MEF2C: variants seen among roughly 807,000 people sequenced by gnomAD.
MEF2C encodes myocyte-specific enhancer factor 2C.
A neutral mutation model predicts 50.5 loss-of-function variants in MEF2C; 6 were observed. The ratio of observed to expected loss-of-function variants is 0.12; its 90% confidence interval spans 0.07 to 0.23. MEF2C has a LOEUF of 0.23. MEF2C is among the 10% of genes least tolerant of loss of function. The probability of loss-of-function intolerance (pLI) is 1.00; values close to 1 mark genes in which losing one functional copy is unlikely to be tolerated. For synonymous variants in MEF2C, 183 were observed against 228.0 expected, an observed-to-expected ratio of 0.80 and a Z score of 1.78; for missense variants, 276 against 605.0, an observed-to-expected ratio of 0.46 and a Z score of 5.70.
chr5:88,771,788 TAAGGAGTAC>T (rs1318658058), intron 3 of MEF2C: 1 of 188,716 alleles, frequency 5.3e-6, no homozygotes. Flanking sequence ...CCTCAAAATG[TAAGGAGTAC>T]AAGTTCTGGT....
intron 1 of MEF2C, among the ~76,000 whole-genome samples, chr5:88,851,158 G>A (rs1038022179): frequency 3.3e-5 from 5 of 150,478 alleles, no homozygotes; most frequent in Non-Finnish European, 7.4e-5. Context: ...ACTTGAACCC[G>A]GGAGGTGGAG....
At chr5:88,849,151 A>AG (rs1491394340) in intron 1 of MEF2C, among the ~76,000 whole-genome samples, 1 of 57,686 alleles carries the variant, frequency 1.7e-5, no homozygotes, top group East Asian at 3.1e-4. Context: ...ACTTTGTCTC[A>AG]AAAAAAAAAA....
rs115571382 is a variant in MEF2C at position 88,757,254 on chromosome 5, A to G, written c.402+3931T>C. On this transcript the variant is annotated intron_variant, in intron 4 of 10. Coordinates refer to ENST00000504921, the MANE Select transcript of MEF2C (RefSeq NM_002397.5). ...AACTTACCACAAGGAAAAGTCCAATAAAAAAATCAAATAAAATAGTTAAAG... is the reference window on the plus strand; with the variant it reads ...AACTTACCACAAGGAAAAGTCCAATGAAAAAATCAAATAAAATAGTTAAAG... Among the ~76,000 whole-genome samples the G allele has an allele frequency of 3.5e-3, 527 of 152,320 alleles. 3 individuals are homozygous for G. Among genetic ancestry groups the G allele is most frequent in the African/African-American group, 0.012 (503 of 41,566 alleles).
At chr5:88,760,899 A>C in intron 4 of MEF2C, 10 of 1,407,386 alleles carry the variant, frequency 7.1e-6, no homozygotes, top group Non-Finnish European at 9.6e-6. Context: ...GACTTTCCGA[A>C]GAGTCTTAGA....
chr5:88,894,238 A>C (rs1467203518), intron 1 of MEF2C, among the ~76,000 whole-genome samples: 2 of 152,228 alleles, frequency 1.3e-5, no homozygotes, highest in African/African-American at 4.8e-5. Context: ...TGACCTGCCC[A>C]GGGCCACATA....
chr5:88,723,743 C>A (rs549063809), intron 10 of MEF2C, among the ~76,000 whole-genome samples: 1 of 152,322 alleles, frequency 6.6e-6, no homozygotes, highest in South Asian at 2.1e-4. Context: ...GCTACCACTC[C>A]TCTTATTTAT....
chr5:88,729,500 C>T, intron 8 of MEF2C, 153 bp from the exon 9 acceptor site: 1 of 702,082 alleles, frequency 1.4e-6, no homozygotes, highest in Non-Finnish European at 2.3e-6. Flanking sequence ...TCTGCCAACC[C>T]TATCATTTAC....
At chr5:88,744,506 T>A (rs959989560) in intron 6 of MEF2C, among the ~76,000 whole-genome samples, 3 of 152,042 alleles carry the variant, frequency 2.0e-5, no homozygotes, top group African/African-American at 7.2e-5. Flanking sequence ...TGACCTGAGA[T>A]CACACCACTG....
At chr5:88,795,230 TG>T (rs970005714) in intron 3 of MEF2C, among the ~76,000 whole-genome samples, 27 of 152,310 alleles carry the variant, frequency 1.8e-4, no homozygotes, top group Middle Eastern at 6.8e-3. Context: ...TAAATTACTT[TG>T]GGCAGTATGG....
At chr5:88,749,199 T>C (rs1376847296) in intron 5 of MEF2C, 82 bp from the exon 6 acceptor site, 1 of 1,393,264 alleles carries the variant, frequency 7.2e-7, no homozygotes, top group Admixed American at 2.6e-5. Flanking sequence ...AACCTCAGTA[T>C]TTTGTCCTCT....
intron 1 of MEF2C, among the ~76,000 whole-genome samples, chr5:88,861,284 G>C (rs1825412244): frequency 6.6e-6 from 1 of 152,140 alleles, no homozygotes; most frequent in African/African-American, 2.4e-5. Context: ...CTGATACCCA[G>C]ACCCATCCCA....
intron 1 of MEF2C, among the ~76,000 whole-genome samples, chr5:88,841,981 C>G (rs78658099): frequency 9.3e-4 from 142 of 152,174 alleles, no homozygotes; most frequent in African/African-American, 3.3e-3. Flanking sequence ...TTTCTTAGAA[C>G]TTTTATTTTT....
At chr5:88,790,109 T>G (rs1793010455) in intron 3 of MEF2C, among the ~76,000 whole-genome samples, 2 of 152,132 alleles carry the variant, frequency 1.3e-5, no homozygotes, top group South Asian at 2.1e-4. Flanking sequence ...AGGAGTGAAA[T>G]GTGCCAGAGT....
At chr5:88,850,678 A>T (rs1288549320) in intron 1 of MEF2C, among the ~76,000 whole-genome samples, 4 of 151,610 alleles carry the variant, frequency 2.6e-5, no homozygotes, top group Non-Finnish European at 5.9e-5. Flanking sequence ...GATCTCTATG[A>T]CACACACACA....
intron 6 of MEF2C, chr5:88,737,905 T>C (rs1764780963): frequency 1.0e-6 from 1 of 985,252 alleles, no homozygotes; most frequent in African/African-American, 1.7e-5. Context: ...TCTTAGTTGT[T>C]AGCTTTATTA....
intron 10 of MEF2C, among the ~76,000 whole-genome samples, chr5:88,727,440 T>A (rs1374205461): frequency 6.6e-6 from 1 of 152,042 alleles, no homozygotes; most frequent in Non-Finnish European, 1.5e-5. Context: ...TGAAAGCTAG[T>A]GGGTGGGGGG....
At chr5:88,876,453 C>A (rs1251788689) in intron 1 of MEF2C, among the ~76,000 whole-genome samples, 1 of 151,902 alleles carries the variant, frequency 6.6e-6, no homozygotes, top group Non-Finnish European at 1.5e-5. Flanking sequence ...TTACATTAAG[C>A]AATAATGCCA....
intron 6 of MEF2C, chr5:88,737,603 G>A (rs2152370955): frequency 3.0e-6 from 3 of 985,338 alleles, no homozygotes; most frequent in Non-Finnish European, 3.6e-6. Context: ...GTATCCTAGG[G>A]AAAAGAATGG....
At position 88,724,281 on chromosome 5, in the gene MEF2C, A is replaced by T. The variant is rs189534125; in HGVS notation, c.1101-1356T>A. Among the ~76,000 whole-genome samples, 866 of 152,224 alleles carry T rather than the reference A, an allele frequency of 5.7e-3. 1 individual carries two copies. The highest frequency in any genetic ancestry group is 0.014 in the Middle Eastern group (4 of 294). On this transcript the variant is annotated intron_variant, in intron 10 of 10. Transcript: ENST00000504921. The stretch of plus-strand genomic sequence containing the variant: ...GAGAGAAAAAGTATATATTTCAGAA[A>T]AAAAGTGAAGTAACTTGGGGCTGGC...
Sources: gnomAD v4.1 joint callset for allele counts (sites outside exome capture counted in the v4.1 genomes callset) on GRCh38, gnomAD v4.1.1 for gene constraint, MANE v1.5 for transcripts, NCBI Gene and HGNC (gene_info 2026-07-23, HGNC 2026-07-21) for gene names.